Variants in GABRB2 observed in about 807,000 individuals in gnomAD.
The protein encoded by GABRB2 is gamma-aminobutyric acid type A receptor subunit beta2.
A neutral mutation model predicts 54.7 loss-of-function variants in GABRB2; 16 were observed. That is an observed-to-expected ratio of 0.29 (90% CI 0.20 to 0.44). GABRB2 has a LOEUF of 0.44. Ranked by LOEUF, GABRB2 falls within the 20% of genes least tolerant of loss-of-function variation. GABRB2 has a pLI of 1.00. For missense variants in GABRB2, 355 were observed against 644.0 expected (o/e 0.55, Z 4.86); for synonymous variants, 244 against 233.8 (o/e 1.04, Z -0.40).
chr5:161,447,866 A>G (rs1014215427), intron 4 of GABRB2, among the ~76,000 whole-genome samples: 3 of 152,266 alleles, frequency 2.0e-5, no homozygotes, highest in South Asian at 2.1e-4. Context: ...AACTCCTGTT[A>G]CTTATTATAG....
intron 6 of GABRB2, among the ~76,000 whole-genome samples, chr5:161,336,090 G>A (rs1016938485): frequency 5.9e-5 from 9 of 152,256 alleles, no homozygotes; most frequent in South Asian, 2.1e-4. Flanking sequence ...TCTCCATGCC[G>A]TAAGGGTGAA....
intron 3 of GABRB2, among the ~76,000 whole-genome samples, chr5:161,525,571 A>G (rs1760252854): frequency 6.6e-6 from 1 of 151,356 alleles, no homozygotes; most frequent in African/African-American, 2.4e-5. Flanking sequence ...AGTGCATTAT[A>G]TACTTTAATA....
intron 4 of GABRB2, among the ~76,000 whole-genome samples, chr5:161,438,638 A>G (rs1757377200): frequency 6.6e-6 from 1 of 152,204 alleles, no homozygotes; most frequent in African/African-American, 2.4e-5. Flanking sequence ...AGGAAACTCA[A>G]AGAAATTCAA....
chr5:161,487,498 C>A (rs1028478787), intron 3 of GABRB2, among the ~76,000 whole-genome samples: 1 of 151,826 alleles, frequency 6.6e-6, no homozygotes, highest in Non-Finnish European at 1.5e-5. Context: ...GGGAAACACT[C>A]AAATTCATTT....
At chr5:161,383,999 C>T (rs373345079) in intron 5 of GABRB2, among the ~76,000 whole-genome samples, 60 of 152,232 alleles carry the variant, frequency 3.9e-4, no homozygotes, top group East Asian at 3.5e-3. Flanking sequence ...GTGATTCTCC[C>T]GCCTTGGCCT....
chr5:161,542,965 A>G (rs144059394), intron 3 of GABRB2, among the ~76,000 whole-genome samples: 1 of 152,312 alleles, frequency 6.6e-6, no homozygotes, highest in African/African-American at 2.4e-5. Flanking sequence ...AACAAACATC[A>G]CAAAAAAATT....
intron 5 of GABRB2, among the ~76,000 whole-genome samples, chr5:161,382,443 A>C (rs981218317): frequency 4.6e-5 from 7 of 152,228 alleles, no homozygotes; most frequent in African/African-American, 1.7e-4. Context: ...GAACTTCTAC[A>C]GTCCTTTATC....
intron 5 of GABRB2, among the ~76,000 whole-genome samples, chr5:161,395,361 A>G (rs183973248): frequency 1.3e-5 from 2 of 152,252 alleles, no homozygotes; most frequent in East Asian, 3.9e-4. Context: ...ATTAACAAAC[A>G]TGATTGGGAA....
rs368177075 is a variant in GABRB2, at chr5:161,463,039, C to A, written c.238-3195G>T. On this transcript the variant is annotated intron_variant, in intron 3 of 9. Coordinates refer to ENST00000393959, the MANE Select transcript of GABRB2 (RefSeq NM_001371727.1). The stretch of plus-strand genomic sequence containing the variant: ...CCACTTCTGGGTGCTCCTTGATCCA[C>A]GTTATCACCACCCGAGAAGGATTTA... Among the ~76,000 whole-genome samples the A allele has an allele frequency of 5.9e-5, 9 of 152,152 alleles. No individual in the cohort carries two copies. In the South Asian group the frequency reaches 1.5e-3, roughly 25 times the overall value.
At chr5:161,327,023 A>G (rs1338935496) in intron 8 of GABRB2, 1 of 972,068 alleles carries the variant, frequency 1.0e-6, no homozygotes, top group Non-Finnish European at 1.2e-6. Context: ...GAAATCAATC[A>G]AAAGCAAATT....
At chr5:161,416,610 T>C (rs1561642702) in intron 4 of GABRB2, among the ~76,000 whole-genome samples, 1 of 145,268 alleles carries the variant, frequency 6.9e-6, no homozygotes, top group Non-Finnish European at 1.5e-5. Flanking sequence ...GGCAGGAGAA[T>C]GGCGTGAACC....
chr5:161,516,197 T>TA (rs551280835), intron 3 of GABRB2, among the ~76,000 whole-genome samples: 2 of 152,224 alleles, frequency 1.3e-5, no homozygotes, highest in Non-Finnish European at 2.9e-5. Flanking sequence ...CTGTTGTTGA[T>TA]AAAACTTAAC....
intron 3 of GABRB2, among the ~76,000 whole-genome samples, chr5:161,518,533 T>A (rs576588782): frequency 1.2e-3 from 181 of 152,356 alleles, no homozygotes; most frequent in African/African-American, 4.2e-3. Flanking sequence ...AGAACTGAAA[T>A]TATATCTGTT....
intron 3 of GABRB2, among the ~76,000 whole-genome samples, chr5:161,464,454 G>T (rs1055540421): frequency 6.6e-6 from 1 of 152,068 alleles, no homozygotes; most frequent in African/African-American, 2.4e-5. Flanking sequence ...AATTCCGAGT[G>T]CTGGTGAGAA....
intron 5 of GABRB2, among the ~76,000 whole-genome samples, chr5:161,343,452 G>A (rs570391077): frequency 6.6e-4 from 100 of 152,076 alleles, no homozygotes; most frequent in African/African-American, 2.3e-3. Flanking sequence ...CAAGTAAAAT[G>A]TCAGATTGTG....
intron 3 of GABRB2, among the ~76,000 whole-genome samples, chr5:161,516,236 T>C (rs1759943991): frequency 6.6e-6 from 1 of 152,216 alleles, no homozygotes; most frequent in East Asian, 1.9e-4. Context: ...TGACCATCAA[T>C]ATTTTAGCTA....
intron 5 of GABRB2, among the ~76,000 whole-genome samples, chr5:161,387,772 T>C (rs1317330824): frequency 6.6e-6 from 1 of 152,198 alleles, no homozygotes; most frequent in African/African-American, 2.4e-5. Flanking sequence ...CAGTGTTATA[T>C]TTAAAAACTT....
chr5:161,387,865 C>T (rs1029159566), intron 5 of GABRB2, among the ~76,000 whole-genome samples: 3 of 152,026 alleles, frequency 2.0e-5, no homozygotes, highest in African/African-American at 7.2e-5. Context: ...ATTAACCAAA[C>T]TTAATTAAAT....
At chr5:161,457,188 C>T (rs979355862) in intron 4 of GABRB2, among the ~76,000 whole-genome samples, 3 of 152,136 alleles carry the variant, frequency 2.0e-5, no homozygotes, top group Non-Finnish European at 4.4e-5. Flanking sequence ...CATTCATGAG[C>T]CCTCTCCGTG....
Sources: allele counts gnomAD v4.1 joint callset (sites outside exome capture counted in the v4.1 genomes callset), GRCh38; gene constraint gnomAD v4.1.1; transcripts MANE v1.5; gene names NCBI Gene and HGNC (gene_info 2026-07-23, HGNC 2026-07-21).